Variants in ANKRD45 observed in about 807,000 individuals in gnomAD.
The protein encoded by ANKRD45 is ankyrin repeat domain-containing protein 45.
In ANKRD45, 21 loss-of-function variants were observed where a neutral mutation model predicts 28.1. That is an observed-to-expected ratio of 0.75 (90% CI 0.53 to 1.08). ANKRD45 has a LOEUF of 1.08. Among genes scored for constraint, ANKRD45 ranks in the 50% least tolerant of loss-of-function variants. ANKRD45 has a pLI of 0.00. For missense variants in ANKRD45, 261 were observed against 308.7 expected (o/e 0.85, Z 1.16); for synonymous variants, 86 against 103.9 (o/e 0.83, Z 1.05).
the ANKRD45 span, among the ~76,000 whole-genome samples, chr1:173,706,844 A>C: frequency 6.6e-6 from 1 of 152,148 alleles, no homozygotes; most frequent in Non-Finnish European, 1.5e-5. Context: ...TGCAAATGTC[A>C]TTTTGCTAGA....
intron 2 of ANKRD45, chr1:173,658,292 C>T (rs1207273776): frequency 6.3e-6 from 1 of 157,500 alleles, no homozygotes; most frequent in African/African-American, 2.4e-5. Flanking sequence ...CCATTACACT[C>T]CAGCCTGGGC....
At chr1:173,702,127 T>C in the ANKRD45 span, among the ~76,000 whole-genome samples, 2 of 152,130 alleles carry the variant, frequency 1.3e-5, no homozygotes, top group Non-Finnish European at 2.9e-5. Flanking sequence ...TTGGAAAAGA[T>C]CAGACAGCAA....
At chr1:173,713,056 G>C in the ANKRD45 span, among the ~76,000 whole-genome samples, 4 of 152,138 alleles carry the variant, frequency 2.6e-5, no homozygotes, top group African/African-American at 9.7e-5. Flanking sequence ...AATGGAAGTT[G>C]CAAAAGAATA....
intron 2 of ANKRD45, among the ~76,000 whole-genome samples, chr1:173,647,215 G>A (rs1311105539): frequency 6.6e-6 from 1 of 152,104 alleles, no homozygotes; most frequent in Non-Finnish European, 1.5e-5. Context: ...TCATTTTATA[G>A]ACAAGGAAAC....
At chr1:173,705,579 ACTC>A in the ANKRD45 span, among the ~76,000 whole-genome samples, 1 of 150,770 alleles carries the variant, frequency 6.6e-6, no homozygotes, top group Non-Finnish European at 1.5e-5. Context: ...AGGCAGGAGA[ACTC>A]CTTGAGCCCA....
chr1:173,625,031 A>T, intron 4 of ANKRD45, 106 bp from the exon 5 acceptor site: 1 of 1,189,610 alleles, frequency 8.4e-7, no homozygotes, highest in African/African-American at 1.5e-5. Context: ...TGATGATAGA[A>T]ATATTCTGTA....
chr1:173,656,005 G>A (rs528739203), intron 2 of ANKRD45, among the ~76,000 whole-genome samples: 1 of 152,308 alleles, frequency 6.6e-6, no homozygotes, highest in East Asian at 1.9e-4. Context: ...CAGGTACAGT[G>A]TATCATGGCT....
intron 2 of ANKRD45, among the ~76,000 whole-genome samples, chr1:173,654,070 C>G (rs1049596194): frequency 2.0e-5 from 3 of 151,986 alleles, no homozygotes; most frequent in Non-Finnish European, 2.9e-5. Context: ...ATTTGCCAGT[C>G]AGTGTCTTTT....
the ANKRD45 span, among the ~76,000 whole-genome samples, chr1:173,702,780 G>T: frequency 6.8e-6 from 1 of 147,910 alleles, no homozygotes; most frequent in Non-Finnish European, 1.5e-5. Flanking sequence ...GAAATGCAGT[G>T]GTGCAATCAC....
At chr1:173,655,336 C>T (rs1385905303) in intron 2 of ANKRD45, among the ~76,000 whole-genome samples, 1 of 152,148 alleles carries the variant, frequency 6.6e-6, no homozygotes, top group Admixed American at 6.6e-5. Flanking sequence ...GTTAGTTTTC[C>T]TTCTAACAGT....
chr1:173,668,321 C>A (rs1206430529), intron 1 of ANKRD45, among the ~76,000 whole-genome samples: 1 of 152,166 alleles, frequency 6.6e-6, no homozygotes, highest in Non-Finnish European at 1.5e-5. Context: ...CCACTCCAGT[C>A]AGGGCTGAAG....
chr1:173,649,356 A>C (rs1669077174), intron 2 of ANKRD45, among the ~76,000 whole-genome samples: 1 of 152,184 alleles, frequency 6.6e-6, no homozygotes, highest in Non-Finnish European at 1.5e-5. Context: ...CATTTCCTAC[A>C]TCTTTACCAA....
chr1:173,626,925 T>A (rs1667964463), intron 4 of ANKRD45, 140 bp downstream of exon 4: 1 of 579,012 alleles, frequency 1.7e-6, no homozygotes, highest in Admixed American at 3.2e-5. Context: ...GAAGGGAAGG[T>A]AGGAGGGAAG....
chr1:173,632,990 T>A (rs1021498179), intron 3 of ANKRD45, among the ~76,000 whole-genome samples: 1 of 151,850 alleles, frequency 6.6e-6, no homozygotes, highest in African/African-American at 2.4e-5. Flanking sequence ...GTGTTGGAAG[T>A]CTTACCTAGA....
At chr1:173,626,699 A>G (rs1293678880) in intron 4 of ANKRD45, among the ~76,000 whole-genome samples, 1 of 151,784 alleles carries the variant, frequency 6.6e-6, no homozygotes, top group African/African-American at 2.4e-5. Context: ...TTACTCCCAT[A>G]TGTAGGCATC....
chr1:173,620,604 T>C (rs1424589825), intron 5 of ANKRD45, among the ~76,000 whole-genome samples: 1 of 151,022 alleles, frequency 6.6e-6, no homozygotes, highest in Non-Finnish European at 1.5e-5. Flanking sequence ...CTGTTGTGGG[T>C]TGGGGGGAGG....
At chr1:173,663,827 T>C (rs1473411114) in intron 1 of ANKRD45, among the ~76,000 whole-genome samples, 1 of 152,218 alleles carries the variant, frequency 6.6e-6, no homozygotes, top group Admixed American at 6.5e-5. Flanking sequence ...ATTTTAATTT[T>C]ATATGTAAAT....
intron 5 of ANKRD45, among the ~76,000 whole-genome samples, chr1:173,622,972 A>G (rs1055536149): frequency 1.3e-5 from 2 of 152,076 alleles, no homozygotes; most frequent in South Asian, 4.2e-4. Flanking sequence ...AAACAACCCC[A>G]TTAAAAAGTT....
chr1:173,636,458 A>T (rs189101400), intron 3 of ANKRD45, among the ~76,000 whole-genome samples: 33 of 152,266 alleles, frequency 2.2e-4, no homozygotes, highest in Admixed American at 1.6e-3. Context: ...GATATTTATA[A>T]ATGTTTTCTT....
Sources: allele counts gnomAD v4.1 joint callset (sites outside exome capture counted in the v4.1 genomes callset), GRCh38; gene constraint gnomAD v4.1.1; transcripts MANE v1.5; gene names NCBI Gene and HGNC (gene_info 2026-07-23, HGNC 2026-07-21).